The following CDH18 variants were observed in gnomAD, a reference collection of about 807,000 sequenced individuals.
CDH18 encodes cadherin-18.
A neutral mutation model predicts 67.9 loss-of-function variants in CDH18; 31 were observed. The ratio of observed to expected loss-of-function variants is 0.46; its 90% CI spans 0.34 to 0.62. The LOEUF is 0.62. Ranked by LOEUF, CDH18 falls within the 20% of genes least tolerant of loss-of-function variation. CDH18 has a pLI of 0.01. For synonymous variants in CDH18, 362 were observed against 347.2 expected (o/e 1.04, Z -0.48); for missense variants, 890 against 975.5 (o/e 0.91, Z 1.17).
At chr5:20,336,724 C>CAAAAAAAAAAAAAAAAAAAA (rs59083214) in intron 1 of CDH18, among the ~76,000 whole-genome samples, 5 of 63,480 alleles carry the variant, frequency 7.9e-5, no homozygotes, top group Admixed American at 2.1e-4. Context: ...GCCTCTGTCT[C>CAAAAAAAAAAAAAAAAAAAA]AAAAAAAAAA....
intron 2 of CDH18, among the ~76,000 whole-genome samples, chr5:20,074,518 A>G (rs1453075002): frequency 6.6e-6 from 1 of 152,184 alleles, no homozygotes; most frequent in African/African-American, 2.4e-5. Context: ...AAATTAACAG[A>G]TCAAAAATAT....
chr5:20,126,525 A>T (rs939476053), intron 2 of CDH18, among the ~76,000 whole-genome samples: 2 of 152,182 alleles, frequency 1.3e-5, no homozygotes, highest in Non-Finnish European at 1.5e-5. Flanking sequence ...CAAAAGGGCA[A>T]CCTACAGAAT....
intron 2 of CDH18, among the ~76,000 whole-genome samples, chr5:19,868,685 A>C (rs2150010614): frequency 6.6e-6 from 1 of 152,274 alleles, no homozygotes; most frequent in South Asian, 2.1e-4. Context: ...TCAATATAAG[A>C]AGGAACTCAT....
At chr5:19,710,794 A>G (rs1159371893) in intron 5 of CDH18, among the ~76,000 whole-genome samples, 2 of 152,118 alleles carry the variant, frequency 1.3e-5, no homozygotes, top group Non-Finnish European at 2.9e-5. Flanking sequence ...GTAGGCCTTC[A>G]ATAAAGATAA....
chr5:20,517,877 G>A (rs2037353839), intron 1 of CDH18, among the ~76,000 whole-genome samples: 1 of 152,084 alleles, frequency 6.6e-6, no homozygotes, highest in African/African-American at 2.4e-5. Context: ...AAAATTCTTG[G>A]AGTGGTGAAG....
In CDH18 at chr5:20,035,661, G is replaced by T. The variant is rs114968643; in HGVS notation, c.-517-43647C>A. On this transcript the variant is annotated intron_variant, in intron 2 of 14. Transcript: ENST00000507958. ...CCCATGGTCCAATCACCTCCCACTG[G>T]GTCCATCCCTTGACATGATACATGG... Among the ~76,000 whole-genome samples the T allele has an allele frequency of 6.6e-3, 1,001 of 152,008 alleles. 14 individuals are homozygous for T. Among genetic ancestry groups the T allele is most frequent in the African/African-American group, 0.023 (957 of 41,474 alleles).
At chr5:19,532,269 C>G (rs538353681) in intron 9 of CDH18, among the ~76,000 whole-genome samples, 1 of 152,006 alleles carries the variant, frequency 6.6e-6, no homozygotes, top group Admixed American at 6.6e-5. Flanking sequence ...CAATGTATTG[C>G]TTCTATTGAA....
intron 1 of CDH18, among the ~76,000 whole-genome samples, chr5:20,549,861 C>T (rs1001081163): frequency 6.6e-6 from 1 of 152,074 alleles, no homozygotes; most frequent in African/African-American, 2.4e-5. Context: ...ATATTCACCA[C>T]GTGATAAACT....
chr5:19,730,982 G>T (rs1767517491), intron 4 of CDH18, among the ~76,000 whole-genome samples: 2 of 152,128 alleles, frequency 1.3e-5, no homozygotes, highest in Non-Finnish European at 2.9e-5. Context: ...CTTTCTGCTG[G>T]ATGGCTACTT....
intron 1 of CDH18, among the ~76,000 whole-genome samples, chr5:20,551,034 A>G (rs563051312): frequency 6.6e-6 from 1 of 152,340 alleles, no homozygotes; most frequent in South Asian, 2.1e-4. Flanking sequence ...AGCAAGACCC[A>G]AAGTTTCTGG....
chr5:19,879,298 A>G (rs774948485), intron 2 of CDH18, among the ~76,000 whole-genome samples: 1 of 151,996 alleles, frequency 6.6e-6, no homozygotes, highest in Non-Finnish European at 1.5e-5. Flanking sequence ...GTAAGCCTTT[A>G]AAAAGAAGTT....
intron 4 of CDH18, among the ~76,000 whole-genome samples, chr5:19,734,752 G>A (rs1768074770): frequency 6.6e-6 from 1 of 151,968 alleles, no homozygotes; most frequent in African/African-American, 2.4e-5. Context: ...CAGTGCTCTA[G>A]GAATTTTTGG....
intron 2 of CDH18, among the ~76,000 whole-genome samples, chr5:19,959,135 G>C (rs537842904): frequency 1.3e-5 from 2 of 152,020 alleles, no homozygotes; most frequent in Non-Finnish European, 2.9e-5. Context: ...AGGGAAGAGT[G>C]AATGAAAAAG....
intron 1 of CDH18, among the ~76,000 whole-genome samples, chr5:20,539,023 G>A (rs1286643734): frequency 1.3e-5 from 2 of 150,024 alleles, no homozygotes; most frequent in African/African-American, 2.4e-5. Context: ...CAAGTAGCTG[G>A]GATTACAGGC....
At chr5:19,503,412 T>G (rs1375834141) in intron 10 of CDH18, among the ~76,000 whole-genome samples, 2 of 152,142 alleles carry the variant, frequency 1.3e-5, no homozygotes, top group Non-Finnish European at 2.9e-5. Flanking sequence ...ATGCAATGTT[T>G]TCACATGAAT....
At chr5:19,894,840 T>C (rs1393450605) in intron 2 of CDH18, among the ~76,000 whole-genome samples, 2 of 152,154 alleles carry the variant, frequency 1.3e-5, no homozygotes, top group African/African-American at 2.4e-5. Flanking sequence ...ATGTCACACT[T>C]GCCTGAAGAA....
intron 3 of CDH18, among the ~76,000 whole-genome samples, chr5:19,806,054 C>G (rs1360092676): frequency 6.6e-6 from 1 of 152,208 alleles, no homozygotes; most frequent in African/African-American, 2.4e-5. Flanking sequence ...CCAACCGTTA[C>G]CCCTGTTTGT....
chr5:19,576,425 T>C (rs559852243), intron 7 of CDH18, among the ~76,000 whole-genome samples: 1 of 151,472 alleles, frequency 6.6e-6, no homozygotes, highest in African/African-American at 2.4e-5. Context: ...ATTCAAAAAA[T>C]GGGCAAATCA....
intron 7 of CDH18, among the ~76,000 whole-genome samples, chr5:19,584,793 CAAA>C (rs61297842): frequency 1.3e-5 from 1 of 75,090 alleles, no homozygotes; most frequent in African/African-American, 5.4e-5. Flanking sequence ...ACTAAAAATA[CAAA>C]AAAAAAAAAA....
Sources: gnomAD v4.1 joint callset for allele counts (sites outside exome capture counted in the v4.1 genomes callset) on GRCh38, gnomAD v4.1.1 for gene constraint, MANE v1.5 for transcripts, NCBI Gene and HGNC (gene_info 2026-07-23, HGNC 2026-07-21) for gene names.